Variants in UBAP1 observed in about 807,000 individuals in gnomAD.
UBAP1 encodes ubiquitin-associated protein 1.
Under a neutral mutation model 39.0 loss-of-function variants are expected in UBAP1, and 5 were observed. That is an observed-to-expected ratio of 0.13 (90% confidence interval 0.07 to 0.27). The LOEUF is 0.27. Among genes scored for constraint, UBAP1 ranks in the 10% least tolerant of loss-of-function variants. The pLI, the probability that UBAP1 is intolerant of heterozygous loss-of-function variation, is 1.00. For missense variants in UBAP1, 490 were observed against 608.1 expected, an observed-to-expected ratio of 0.81 and a Z score of 2.04; for synonymous variants, 211 against 225.1, an observed-to-expected ratio of 0.94 and a Z score of 0.56.
At chr9:34,204,713 C>T (rs1831588897) in intron 1 of UBAP1, among the ~76,000 whole-genome samples, 1 of 151,946 alleles carries the variant, frequency 6.6e-6, no homozygotes. Context: ...GGTTTTTACC[C>T]ATTCTACAAG....
intron 3 of UBAP1, among the ~76,000 whole-genome samples, chr9:34,235,329 G>GTA (rs1491066940): frequency 3.1e-4 from 43 of 139,348 alleles, no homozygotes; most frequent in South Asian, 4.9e-4. Flanking sequence ...GTGTGTGTGT[G>GTA]TGTATATATA....
chr9:34,183,282 G>A (rs1012326134), intron 1 of UBAP1, among the ~76,000 whole-genome samples: 6 of 151,774 alleles, frequency 4.0e-5, no homozygotes, highest in African/African-American at 7.3e-5. Flanking sequence ...CATGGCTCAT[G>A]CCTGTAATCC....
intron 1 of UBAP1, among the ~76,000 whole-genome samples, chr9:34,181,678 C>T (rs1321122058): frequency 2.0e-5 from 3 of 147,012 alleles, no homozygotes; most frequent in Admixed American, 7.0e-5. Flanking sequence ...GTGATCCGCC[C>T]GCCTTGGCCT....
chr9:34,223,877 C>A, intron 2 of UBAP1: 1 of 238,038 alleles, frequency 4.2e-6, no homozygotes. Context: ...GGTTGAATTT[C>A]ACTGGCTTTA....
intron 2 of UBAP1, among the ~76,000 whole-genome samples, chr9:34,229,242 C>T (rs10972010): frequency 0.12 from 18,744 of 151,514 alleles, 1,517 homozygotes; most frequent in Non-Finnish European, 0.18. Context: ...GAGATCACTT[C>T]TCTTATAGGA....
At chr9:34,224,437 A>G in intron 2 of UBAP1, 1 of 397,784 alleles carries the variant, frequency 2.5e-6, no homozygotes, top group Admixed American at 3.5e-5. Flanking sequence ...CCCAGGAGAA[A>G]TTCCCTACAT....
chr9:34,243,253 T>C (rs967637982), intron 4 of UBAP1, among the ~76,000 whole-genome samples: 1 of 152,164 alleles, frequency 6.6e-6, no homozygotes, highest in Non-Finnish European at 1.5e-5. Flanking sequence ...TGGCCAACAC[T>C]CCCTTCCTCT....
intron 1 of UBAP1, among the ~76,000 whole-genome samples, chr9:34,181,084 A>G (rs4879757): frequency 0.34 from 49,627 of 147,128 alleles, 9,056 homozygotes; most frequent in East Asian, 0.73. Flanking sequence ...TGCTGGGATT[A>G]CAGGCGTGAG....
intron 1 of UBAP1, among the ~76,000 whole-genome samples, chr9:34,207,765 T>G (rs1831796161): frequency 6.6e-6 from 1 of 152,084 alleles, no homozygotes; most frequent in Non-Finnish European, 1.5e-5. Context: ...ATTTATTATC[T>G]GGCCATGTAT....
chr9:34,219,464 T>C (rs1221744069), intron 1 of UBAP1, among the ~76,000 whole-genome samples: 51 of 152,068 alleles, frequency 3.4e-4, no homozygotes, highest in Non-Finnish European at 2.9e-5. Context: ...CGTTCAGAAA[T>C]ACAAATATTT....
intron 1 of UBAP1, among the ~76,000 whole-genome samples, chr9:34,194,866 G>A (rs1830935324): frequency 6.6e-6 from 1 of 152,048 alleles, no homozygotes; most frequent in Non-Finnish European, 1.5e-5. Context: ...TAGTAACACT[G>A]CTTTGAATAA....
chr9:34,222,516 G>T (rs1263492609), intron 2 of UBAP1, among the ~76,000 whole-genome samples: 1 of 152,082 alleles, frequency 6.6e-6, no homozygotes, highest in Non-Finnish European at 1.5e-5. Context: ...TCTGGGCAGG[G>T]CACGGTGGCT....
At chr9:34,194,941 G>A (rs1260624733) in intron 1 of UBAP1, among the ~76,000 whole-genome samples, 3 of 152,104 alleles carry the variant, frequency 2.0e-5, no homozygotes, top group Non-Finnish European at 4.4e-5. Flanking sequence ...AAACTCAAAT[G>A]TTAACTTGTA....
At chr9:34,222,750 A>G (rs1486395294) in intron 2 of UBAP1, among the ~76,000 whole-genome samples, 2 of 152,000 alleles carry the variant, frequency 1.3e-5, no homozygotes, top group African/African-American at 4.8e-5. Context: ...GTGAGCCATG[A>G]TCACGCCACT....
At position 34,179,114 on chromosome 9, in the gene UBAP1, C is replaced by T. The variant is rs1829874077; in HGVS notation, c.-134C>T. ...CGGTGACGGCCTGGCCCGGAGCGGG[C>T]AGAGTTGGAGGTGGTGGCGTTCGCT... On this transcript the variant is annotated 5_prime_UTR_variant, in exon 1 of 7. Transcript: ENST00000297661. 2 of 1,275,172 alleles carry T rather than the reference C, an allele frequency of 1.6e-6. No homozygotes were observed. The highest frequency in any genetic ancestry group is 2.0e-6 in the Non-Finnish European group (2 of 1,008,764). 79.0% of individuals were successfully genotyped at this position (1,275,172 alleles called of 1,614,324 possible).
At chr9:34,187,234 G>C (rs1205663847) in intron 1 of UBAP1, among the ~76,000 whole-genome samples, 2 of 152,142 alleles carry the variant, frequency 1.3e-5, no homozygotes, top group Non-Finnish European at 2.9e-5. Flanking sequence ...ATCAAATTTG[G>C]GAAATCCTTC....
At chr9:34,179,696 A>G (rs1188141879) in intron 1 of UBAP1, among the ~76,000 whole-genome samples, 2 of 152,094 alleles carry the variant, frequency 1.3e-5, no homozygotes, top group Non-Finnish European at 2.9e-5. Context: ...GGTGGAGACT[A>G]GACCAGAGGT....
chr9:34,202,624 C>CCTGTGTGTGT (rs1491103579), intron 1 of UBAP1, among the ~76,000 whole-genome samples: 1,915 of 107,214 alleles, frequency 0.018, 227 homozygotes, highest in Middle Eastern at 0.032. Flanking sequence ...TAGACAGAAA[C>CCTGTGTGTGT]GTGTGTGTGT....
chr9:34,190,593 C>A (rs939542511), intron 1 of UBAP1, among the ~76,000 whole-genome samples: 6 of 146,684 alleles, frequency 4.1e-5, no homozygotes, highest in African/African-American at 1.5e-4. Context: ...CCTGGCAGTT[C>A]TTGTAATTTA....
Sources: allele counts gnomAD v4.1 joint callset (sites outside exome capture counted in the v4.1 genomes callset), GRCh38; gene constraint gnomAD v4.1.1; transcripts MANE v1.5; gene names NCBI Gene and HGNC (gene_info 2026-07-23, HGNC 2026-07-21).